The following RALGAPA2 variants were observed in gnomAD, a reference collection of about 807,000 sequenced individuals.
RALGAPA2 encodes ral GTPase-activating protein subunit alpha-2.
In RALGAPA2, 139 loss-of-function variants were observed where a neutral mutation model predicts 230.4. The observed-to-expected ratio is 0.60, with a 90% CI of 0.53 to 0.69. The LOEUF (loss-of-function observed/expected upper bound fraction) is 0.69. Among genes scored for constraint, RALGAPA2 ranks in the 30% least tolerant of loss-of-function variants. The probability of loss-of-function intolerance (pLI) is 0.00; values close to 1 mark genes in which losing one functional copy is unlikely to be tolerated. For missense variants in RALGAPA2, 2,163 were observed against 2,276.0 expected (o/e 0.95, Z 1.01); for synonymous variants, 847 against 837.8 (o/e 1.01, Z -0.19).
chr20:20,656,264 C>T (rs1442172552), intron 3 of RALGAPA2, among the ~76,000 whole-genome samples: 1 of 152,144 alleles, frequency 6.6e-6, no homozygotes, highest in African/African-American at 2.4e-5. Context: ...CTTTGATATG[C>T]CAGCTATTTG....
chr20:20,585,395 G>C (rs1366574660), intron 18 of RALGAPA2, among the ~76,000 whole-genome samples: 1 of 151,984 alleles, frequency 6.6e-6, no homozygotes, highest in Non-Finnish European at 1.5e-5. Flanking sequence ...TCCTAGTTAA[G>C]CATGCCACAG....
chr20:20,429,609 T>A (rs1038675261), intron 37 of RALGAPA2, among the ~76,000 whole-genome samples: 1 of 152,216 alleles, frequency 6.6e-6, no homozygotes, highest in Non-Finnish European at 1.5e-5. Context: ...TGCAATTATT[T>A]CCAGTGATAT....
intron 3 of RALGAPA2, among the ~76,000 whole-genome samples, chr20:20,657,599 C>T (rs189181381): frequency 4.9e-4 from 74 of 152,302 alleles, no homozygotes; most frequent in Non-Finnish European, 1.9e-4. Context: ...GCTGCTACCT[C>T]ACGTTGATGG....
intron 39 of RALGAPA2, among the ~76,000 whole-genome samples, chr20:20,393,875 G>GAATACAAGA (rs1341256475): frequency 6.6e-6 from 1 of 152,168 alleles, no homozygotes; most frequent in East Asian, 1.9e-4. Context: ...GTGCTCAGAG[G>GAATACAAGA]AATACAAGAA....
At chr20:20,456,299 T>C in intron 37 of RALGAPA2, among the ~76,000 whole-genome samples, 1 of 152,256 alleles carries the variant, frequency 6.6e-6, no homozygotes, top group East Asian at 1.9e-4. Flanking sequence ...GACTGAAAGA[T>C]GAATAACACA....
chr20:20,698,017 AC>A, intron 1 of RALGAPA2, among the ~76,000 whole-genome samples: 1 of 152,184 alleles, frequency 6.6e-6, no homozygotes, highest in Non-Finnish European at 1.5e-5. Flanking sequence ...CCTAAGAATT[AC>A]AAATACAAAT....
intron 31 of RALGAPA2, among the ~76,000 whole-genome samples, chr20:20,519,531 C>A (rs1400827739): frequency 6.6e-6 from 1 of 152,234 alleles, no homozygotes; most frequent in African/African-American, 2.4e-5. Flanking sequence ...TGGCTGGACC[C>A]ACCACTCTGG....
At chr20:20,606,136 C>T (rs1436581544) in intron 14 of RALGAPA2, among the ~76,000 whole-genome samples, 1 of 152,160 alleles carries the variant, frequency 6.6e-6, no homozygotes, top group Admixed American at 6.5e-5. Context: ...CAGATTCCCC[C>T]GTCTAGCTAC....
intron 23 of RALGAPA2, among the ~76,000 whole-genome samples, chr20:20,570,613 C>A (rs971171352): frequency 2.0e-5 from 3 of 152,144 alleles, no homozygotes; most frequent in Non-Finnish European, 2.9e-5. Flanking sequence ...TTTCCATCCC[C>A]AATGCTACCG....
At chr20:20,696,913 AT>A (rs910110748) in intron 1 of RALGAPA2, among the ~76,000 whole-genome samples, 3 of 151,860 alleles carry the variant, frequency 2.0e-5, no homozygotes, top group Non-Finnish European at 4.4e-5. Context: ...TTTGTTCTTG[AT>A]TTTTAGAGAT....
At chr20:20,407,605 T>C (rs777325848) in intron 38 of RALGAPA2, among the ~76,000 whole-genome samples, 1 of 152,240 alleles carries the variant, frequency 6.6e-6, no homozygotes, top group Non-Finnish European at 1.5e-5. Context: ...TTGGGGCGAA[T>C]GTGTAACATA....
rs111264732 is a variant in RALGAPA2, at chr20:20,446,410, A to T, written c.5495+26419T>A. Reference sequence around the variant, plus strand: ...CTTACAGTGAAAGAGGTAAATTTTCAAACTATTCTGCTGCCATTACTTTTA... The same window carrying T: ...CTTACAGTGAAAGAGGTAAATTTTCTAACTATTCTGCTGCCATTACTTTTA... On this transcript the variant is annotated intron_variant, in intron 37 of 39. Coordinates refer to ENST00000202677, the MANE Select transcript of RALGAPA2 (RefSeq NM_020343.4). Among the ~76,000 whole-genome samples, 1,304 of 152,330 alleles carry T rather than the reference A, an allele frequency of 8.6e-3. 25 individuals are homozygous for T. Among genetic ancestry groups the T allele is most frequent in the African/African-American group, 0.03 (1,241 of 41,558 alleles).
chr20:20,527,593 G>T (rs1048356478), intron 27 of RALGAPA2, among the ~76,000 whole-genome samples: 1 of 148,268 alleles, frequency 6.7e-6, no homozygotes, highest in Non-Finnish European at 1.5e-5. Context: ...CCACCACACC[G>T]CCCTCCCCCC....
intron 13 of RALGAPA2, among the ~76,000 whole-genome samples, chr20:20,613,572 C>G (rs2066039436): frequency 6.6e-6 from 1 of 152,204 alleles, no homozygotes; most frequent in African/African-American, 2.4e-5. Flanking sequence ...TTCCTTTGGT[C>G]TGCAGGGCCC....
chr20:20,483,501 T>C (rs1280240260), intron 36 of RALGAPA2, among the ~76,000 whole-genome samples: 1 of 152,148 alleles, frequency 6.6e-6, no homozygotes, highest in Non-Finnish European at 1.5e-5. Context: ...TGGCCCCAGC[T>C]GCTCCACAGG....
intron 37 of RALGAPA2, among the ~76,000 whole-genome samples, chr20:20,418,858 C>A (rs1185828515): frequency 1.3e-5 from 2 of 152,152 alleles, no homozygotes; most frequent in Non-Finnish European, 2.9e-5. Flanking sequence ...CCCACCTCAG[C>A]CTCCCAAGTA....
At chr20:20,574,058 TGCAA>T (rs1909618283) in intron 20 of RALGAPA2, among the ~76,000 whole-genome samples, 1 of 152,228 alleles carries the variant, frequency 6.6e-6, no homozygotes, top group Admixed American at 6.5e-5. Context: ...TTTGCACTCC[TGCAA>T]GCAAAGTATG....
intron 1 of RALGAPA2, among the ~76,000 whole-genome samples, chr20:20,706,814 A>G (rs749394114): frequency 6.6e-6 from 1 of 152,200 alleles, no homozygotes; most frequent in Non-Finnish European, 1.5e-5. Context: ...TCATAATCAG[A>G]TAAGTCTCAG....
At chr20:20,489,490 A>T (rs2061996164) in intron 36 of RALGAPA2, among the ~76,000 whole-genome samples, 1 of 152,108 alleles carries the variant, frequency 6.6e-6, no homozygotes, top group South Asian at 2.1e-4. Context: ...ATAAAAAAAT[A>T]AGTGTACTTC....
Sources: allele counts gnomAD v4.1 joint callset (sites outside exome capture counted in the v4.1 genomes callset), GRCh38; gene constraint gnomAD v4.1.1; transcripts MANE v1.5; gene names NCBI Gene and HGNC (gene_info 2026-07-23, HGNC 2026-07-21).